SAMSN1: variants seen among roughly 807,000 people sequenced by gnomAD.
The protein encoded by SAMSN1 is SAM domain, SH3 domain and nuclear localization signals 1.
SAMSN1 carries 31 observed loss-of-function variants against 42.0 expected under a neutral mutation model. That is an observed-to-expected ratio of 0.74 (90% confidence interval 0.55 to 1.00). The LOEUF is 1.00. Ranked by LOEUF, SAMSN1 falls within the 50% of genes least tolerant of loss-of-function variation. The pLI, the probability that SAMSN1 is intolerant of heterozygous loss-of-function variation, is 0.00. For synonymous variants in SAMSN1, 178 were observed against 151.9 expected (o/e 1.17, Z -1.26); for missense variants, 464 against 439.4 (o/e 1.06, Z -0.50).
chr21:14,634,299 G>A lies in SAMSN1; in HGVS notation c.156+8703C>T, dbSNP rs369867409. 2.6e-5 allele frequency among the ~76,000 whole-genome samples: 4 copies of A among 152,066 alleles called. No individual in the cohort carries two copies. In the South Asian group the frequency reaches 8.3e-4, roughly 32 times the overall value. Reference sequence around the variant, plus strand: ...ATCACCAAAAGCAATTGCAACAAAAGCTAAAATTGACAAATGGGATCTAAT... The same window carrying A: ...ATCACCAAAAGCAATTGCAACAAAAACTAAAATTGACAAATGGGATCTAAT... On this transcript the variant is annotated intron_variant, in intron 2 of 15. Coordinates refer to the SAMSN1 transcript ENST00000647101.
rs370645478 is a variant in SAMSN1, at chr21:14,505,919, T to A, written c.561+4391A>T. On this transcript the variant is annotated intron_variant, in intron 5 of 7. Transcript: ENST00000400566. ...AGCACTCTTTCAGACTACAATGGAA[T>A]AAAACTGGAAATTAACTGCAAAAGG... Among the ~76,000 whole-genome samples the A allele has an allele frequency of 2.6e-5, 4 of 152,204 alleles. No homozygotes were observed. The East Asian group carries it at 7.7e-4, about 29-fold the overall frequency.
chr21:14,650,437 T>A (rs1333941209), intron 1 of SAMSN1, among the ~76,000 whole-genome samples: 2 of 151,914 alleles, frequency 1.3e-5, no homozygotes, highest in African/African-American at 4.8e-5. Flanking sequence ...GAGTGACCAG[T>A]GGTCAATGAA....
intron 2 of SAMSN1, among the ~76,000 whole-genome samples, chr21:14,577,141 C>T (rs1364223978): frequency 7.4e-6 from 1 of 135,734 alleles, no homozygotes; most frequent in African/African-American, 2.8e-5. Context: ...TTGCAACCTC[C>T]ACCTCCCGGG....
At chr21:14,524,627 T>C (rs1978717409) in intron 1 of SAMSN1, among the ~76,000 whole-genome samples, 1 of 152,172 alleles carries the variant, frequency 6.6e-6, no homozygotes. Flanking sequence ...TTATCAGCAA[T>C]ACATTTGTAT....
At chr21:14,604,676 C>T (rs1982519260) in intron 5 of SAMSN1, among the ~76,000 whole-genome samples, 1 of 152,236 alleles carries the variant, frequency 6.6e-6, no homozygotes, top group African/African-American at 2.4e-5. Context: ...GTTGCACACA[C>T]TTGAAACCCA....
At chr21:14,497,662 G>T (rs905924507) in intron 7 of SAMSN1, among the ~76,000 whole-genome samples, 23 of 152,140 alleles carry the variant, frequency 1.5e-4, no homozygotes, top group African/African-American at 4.8e-4. Flanking sequence ...GGCTGGATTT[G>T]ATTATCTAAG....
At chr21:14,631,642 G>T (rs1005790777) in intron 2 of SAMSN1, among the ~76,000 whole-genome samples, 22 of 152,182 alleles carry the variant, frequency 1.4e-4, no homozygotes, top group Non-Finnish European at 2.1e-4. Context: ...TGGGATTACA[G>T]GCGTAAGCCA....
At chr21:14,524,720 A>G (rs1978724951) in intron 1 of SAMSN1, among the ~76,000 whole-genome samples, 1 of 152,212 alleles carries the variant, frequency 6.6e-6, no homozygotes. Flanking sequence ...TCAAGAGGAT[A>G]CTGATTGAAT....
chr21:14,526,707 A>C (rs1435325479), intron 1 of SAMSN1, among the ~76,000 whole-genome samples: 2 of 152,180 alleles, frequency 1.3e-5, no homozygotes, highest in Non-Finnish European at 2.9e-5. Context: ...TCCATTACAG[A>C]ATCTAGATCC....
chr21:14,509,855 C>T (rs1437581158), intron 5 of SAMSN1, among the ~76,000 whole-genome samples: 1 of 152,124 alleles, frequency 6.6e-6, no homozygotes, highest in Non-Finnish European at 1.5e-5. Context: ...ATTCTTAGCA[C>T]TGGGCCAGGC....
chr21:14,618,552 A>C (rs1982903078), intron 2 of SAMSN1, among the ~76,000 whole-genome samples: 1 of 152,228 alleles, frequency 6.6e-6, no homozygotes, highest in Non-Finnish European at 1.5e-5. Flanking sequence ...TTACATAAGC[A>C]GACTGTCACG....
At chr21:14,543,972 C>T (rs535158719) in intron 1 of SAMSN1, among the ~76,000 whole-genome samples, 2 of 152,306 alleles carry the variant, frequency 1.3e-5, no homozygotes, top group South Asian at 4.1e-4. Flanking sequence ...CACAATTTCT[C>T]TTCAGTAAAT....
At chr21:14,530,844 G>C (rs1979221274) in intron 1 of SAMSN1, among the ~76,000 whole-genome samples, 1 of 152,098 alleles carries the variant, frequency 6.6e-6, no homozygotes. Flanking sequence ...TACTAATTTT[G>C]TTATCTAGGT....
chr21:14,600,808 C>G (rs1335898467), intron 6 of SAMSN1, among the ~76,000 whole-genome samples: 26 of 152,008 alleles, frequency 1.7e-4, no homozygotes. Flanking sequence ...GAAAATGAGA[C>G]TGCTTGTTTC....
intron 5 of SAMSN1, among the ~76,000 whole-genome samples, chr21:14,509,023 G>A (rs996095788): frequency 6.6e-6 from 1 of 152,002 alleles, no homozygotes; most frequent in Non-Finnish European, 1.5e-5. Context: ...GGCTGAGGGA[G>A]GAGAATCGCT....
At chr21:14,490,281 A>G (rs1382925172) in intron 7 of SAMSN1, among the ~76,000 whole-genome samples, 2 of 152,176 alleles carry the variant, frequency 1.3e-5, no homozygotes, top group Non-Finnish European at 2.9e-5. Context: ...ACTAAAGGAG[A>G]GCAAAAAAGG....
Position 14,577,264 on chromosome 21 carries a change from A to ATG in SAMSN1, c.261+4871_261+4872insCA, listed in dbSNP as rs1981521593. Among the ~76,000 whole-genome samples the ATG allele has an allele frequency of 6.9e-5, 3 of 43,344 alleles. No homozygotes were observed. In the South Asian group the frequency reaches 2.2e-3, roughly 31 times the overall value. 28.4% of individuals were successfully genotyped at this position (43,344 alleles called of 152,430 possible). A position where few individuals can be genotyped will look rare whatever the true frequency, so the allele number is the denominator to read the frequency against. The stretch of plus-strand genomic sequence containing the variant: ...TATATATATATATATATATATATAT[A>ATG]TATATATATATATATATATATTTTT... On this transcript the variant is annotated intron_variant, in intron 2 of 8. Transcript: ENST00000285670.
intron 2 of SAMSN1, among the ~76,000 whole-genome samples, chr21:14,624,822 C>T (rs1484931236): frequency 6.6e-6 from 1 of 151,908 alleles, no homozygotes; most frequent in Admixed American, 6.6e-5. Context: ...GAGACACAAC[C>T]AAAAAAGAGA....
At chr21:14,530,535 A>G (rs1019577212) in intron 1 of SAMSN1, among the ~76,000 whole-genome samples, 2 of 152,174 alleles carry the variant, frequency 1.3e-5, no homozygotes, top group African/African-American at 4.8e-5. Context: ...TTAGGTCACT[A>G]TAAAAATATT....
Sources: gnomAD v4.1 joint callset for allele counts (sites outside exome capture counted in the v4.1 genomes callset) on GRCh38, gnomAD v4.1.1 for gene constraint, MANE v1.5 for transcripts, NCBI Gene and HGNC (gene_info 2026-07-23, HGNC 2026-07-21) for gene names.